TMEM117: variants seen among roughly 807,000 people sequenced by gnomAD.
The protein encoded by TMEM117 is transmembrane protein 117.
Under a neutral mutation model 52.4 loss-of-function variants are expected in TMEM117, and 27 were observed. That is an observed-to-expected ratio of 0.51 (90% CI 0.38 to 0.71). TMEM117 has a LOEUF of 0.71. Among genes scored for constraint, TMEM117 ranks in the 30% least tolerant of loss-of-function variants. TMEM117 has a pLI of 0.00. For missense variants in TMEM117, 556 were observed against 630.5 expected (o/e 0.88, Z 1.26); for synonymous variants, 215 against 206.3 (o/e 1.04, Z -0.36).
intron 3 of TMEM117, 70 bp downstream of exon 3, chr12:43,944,412 T>A (rs1945096065): frequency 3.0e-5 from 44 of 1,453,720 alleles, no homozygotes; most frequent in Non-Finnish European, 4.1e-5. Context: ...TAAGAGTTTT[T>A]TAGCTTGTAG....
chr12:44,261,051 A>G (rs1950315005), intron 5 of TMEM117, among the ~76,000 whole-genome samples: 1 of 152,204 alleles, frequency 6.6e-6, no homozygotes, highest in African/African-American at 2.4e-5. Flanking sequence ...TTTAAAATAG[A>G]TTTTAAAATT....
At chr12:43,915,272 T>TC (rs1342086893) in intron 2 of TMEM117, among the ~76,000 whole-genome samples, 1 of 152,036 alleles carries the variant, frequency 6.6e-6, no homozygotes, top group Admixed American at 6.6e-5. Context: ...CCATCATGAG[T>TC]CATTACCTCT....
chr12:43,805,334 T>G, the TMEM117 span, among the ~76,000 whole-genome samples: 1 of 152,244 alleles, frequency 6.6e-6, no homozygotes, highest in African/African-American at 2.4e-5. Context: ...GAGACTATTT[T>G]GCTTCTGCGT....
intron 3 of TMEM117, among the ~76,000 whole-genome samples, chr12:44,093,531 A>G (rs944587978): frequency 6.6e-6 from 1 of 152,158 alleles, no homozygotes; most frequent in East Asian, 1.9e-4. Flanking sequence ...ACCAATTCTA[A>G]TGTTTACAAT....
chr12:44,141,887 T>G (rs1344147236), intron 3 of TMEM117, among the ~76,000 whole-genome samples: 1 of 152,174 alleles, frequency 6.6e-6, no homozygotes, highest in Non-Finnish European at 1.5e-5. Flanking sequence ...ATACTATTCT[T>G]GACTTCTTAT....
chr12:43,945,790 T>C (rs1284220861), intron 3 of TMEM117, among the ~76,000 whole-genome samples: 1 of 152,228 alleles, frequency 6.6e-6, no homozygotes, highest in Non-Finnish European at 1.5e-5. Flanking sequence ...GTAATATCCT[T>C]TTCTTCTAAA....
chr12:44,307,742 C>T lies in TMEM117; in HGVS notation c.768+8003C>T, dbSNP rs115448984. Among the ~76,000 whole-genome samples, 920 of 152,286 alleles carry T rather than the reference C, an allele frequency of 6.0e-3. 12 individuals carry two copies. Among genetic ancestry groups the T allele is most frequent in the African/African-American group, 0.02 (826 of 41,562 alleles). The stretch of plus-strand genomic sequence containing the variant: ...CTCCAAATAGTAGACAGACTTAACA[C>T]GGTGAGTTTGTCCATACAGAAGGAA... On this transcript the variant is annotated intron_variant, in intron 6 of 7. Transcript: ENST00000266534.
chr12:43,970,357 C>T (rs566986375), intron 3 of TMEM117, among the ~76,000 whole-genome samples: 150 of 151,840 alleles, frequency 9.9e-4, no homozygotes, highest in African/African-American at 3.1e-3. Context: ...GGCTCCATCT[C>T]GGCTCACTGC....
intron 2 of TMEM117, among the ~76,000 whole-genome samples, chr12:43,920,616 T>A (rs1331956671): frequency 7.0e-6 from 1 of 143,326 alleles, no homozygotes; most frequent in Non-Finnish European, 1.5e-5. Context: ...AGTGGCATGA[T>A]CACAACTCAC....
chr12:43,925,587 G>T (rs1944765985), intron 2 of TMEM117, among the ~76,000 whole-genome samples: 1 of 152,134 alleles, frequency 6.6e-6, no homozygotes. Context: ...CATGCCAATG[G>T]TATGGTTTCC....
chr12:43,985,556 A>G (rs998389177), intron 3 of TMEM117, among the ~76,000 whole-genome samples: 44 of 152,196 alleles, frequency 2.9e-4, no homozygotes, highest in Admixed American at 2.8e-3. Flanking sequence ...GCAAAAAATA[A>G]TTGTGGATGA....
intron 7 of TMEM117, among the ~76,000 whole-genome samples, chr12:44,387,229 C>A (rs1952100906): frequency 6.6e-6 from 1 of 151,338 alleles, no homozygotes; most frequent in Non-Finnish European, 1.5e-5. Flanking sequence ...CTCTAGTATA[C>A]CTGAAAAGTT....
chr12:43,862,989 A>AT (rs1446443233), intron 2 of TMEM117, among the ~76,000 whole-genome samples: 3 of 151,976 alleles, frequency 2.0e-5, no homozygotes, highest in African/African-American at 4.8e-5. Context: ...AACAAACAAA[A>AT]AAACCAAGAA....
chr12:44,310,391 C>A lies in TMEM117; in HGVS notation c.768+10652C>A, dbSNP rs184149278. Among the ~76,000 whole-genome samples, 300 of 152,324 alleles carry A rather than the reference C, an allele frequency of 2.0e-3. 2 individuals are homozygous for A. Among genetic ancestry groups the A allele is most frequent in the African/African-American group, 6.8e-3 (283 of 41,562 alleles). ...CAGTGGCTCACGCCTCTAATCCCAGCACTTTGGGAGGCCGAGGCGGGTGGA... is the reference window on the plus strand; with the variant it reads ...CAGTGGCTCACGCCTCTAATCCCAGAACTTTGGGAGGCCGAGGCGGGTGGA... On this transcript the variant is annotated intron_variant, in intron 6 of 7. Coordinates refer to ENST00000266534, the MANE Select transcript of TMEM117 (RefSeq NM_032256.3).
chr12:44,264,593 G>A (rs1056397011), intron 5 of TMEM117, among the ~76,000 whole-genome samples: 3 of 152,134 alleles, frequency 2.0e-5, no homozygotes, highest in African/African-American at 7.2e-5. Flanking sequence ...TGCTGCAAGG[G>A]AAGTAAAGGA....
At chr12:44,090,849 G>GTTTTTTTTTTTTTTTTTTTTTTTTTTT (rs541939145) in intron 3 of TMEM117, among the ~76,000 whole-genome samples, 1 of 101,638 alleles carries the variant, frequency 9.8e-6, no homozygotes, top group African/African-American at 3.8e-5. Context: ...GTTTTTTTTT[G>GTTTTTTTTTTTTTTTTTTTTTTTTTTT]TTTTTTTTTT....
chr12:44,204,916 G>A (rs1424960818), intron 4 of TMEM117, among the ~76,000 whole-genome samples: 1 of 152,036 alleles, frequency 6.6e-6, no homozygotes, highest in Non-Finnish European at 1.5e-5. Flanking sequence ...ATGGATTAAA[G>A]ACTTAAATAT....
intron 5 of TMEM117, among the ~76,000 whole-genome samples, chr12:44,296,622 A>G (rs1036678229): frequency 6.6e-6 from 1 of 152,214 alleles, no homozygotes; most frequent in African/African-American, 2.4e-5. Context: ...GGGCTCTTTC[A>G]GCATCTACAG....
At chr12:44,017,405 C>T (rs1946390032) in intron 3 of TMEM117, among the ~76,000 whole-genome samples, 1 of 150,160 alleles carries the variant, frequency 6.7e-6, no homozygotes. Flanking sequence ...ACCCCAAACC[C>T]ACCAAGTCTC....
Sources: gnomAD v4.1 joint callset for allele counts (sites outside exome capture counted in the v4.1 genomes callset) on GRCh38, gnomAD v4.1.1 for gene constraint, MANE v1.5 for transcripts, NCBI Gene and HGNC (gene_info 2026-07-23, HGNC 2026-07-21) for gene names.